MTA3: variants seen among roughly 807,000 people sequenced by gnomAD.
The protein encoded by MTA3 is metastasis-associated protein MTA3.
A neutral mutation model predicts 83.5 loss-of-function variants in MTA3; 34 were observed. That is an observed-to-expected ratio of 0.41 (90% confidence interval 0.31 to 0.54). The LOEUF (loss-of-function observed/expected upper bound fraction) is 0.54. Ranked by LOEUF, MTA3 falls within the 20% of genes least tolerant of loss-of-function variation. MTA3 has a pLI of 0.33. For synonymous variants in MTA3, 303 were observed against 252.7 expected, an observed-to-expected ratio of 1.20 and a Z score of -1.89; for missense variants, 761 against 726.4, an observed-to-expected ratio of 1.05 and a Z score of -0.55.
intron 4 of MTA3, among the ~76,000 whole-genome samples, chr2:42,630,491 A>G (rs1686571309): frequency 6.6e-6 from 1 of 152,174 alleles, no homozygotes; most frequent in South Asian, 2.1e-4. Context: ...TGAGGTATGT[A>G]TGTTTGTATG....
In MTA3 at chr2:42,640,210, T is replaced by G; in HGVS notation, c.355T>G (p.Ser119Ala). 1 of 1,608,416 alleles carries G rather than the reference T, an allele frequency of 6.2e-7. No homozygotes were observed. Among genetic ancestry groups the G allele is most frequent in the South Asian group, 1.1e-5 (1 of 90,112 alleles). ...CSVALLNETE[S>A]VLSYLDKEDT... ...TGTTGCCCTTCTGAATGAGACAGAA[T>G]CAGTATTGTCATATCTTGATAAGGA... is the stretch of plus-strand genomic sequence containing the variant. The change falls in exon 5 of 17, where the codon TCA becomes GCA. Residue 119 changes from serine to alanine, a missense_variant. Transcript: ENST00000405094.
intron 4 of MTA3, among the ~76,000 whole-genome samples, chr2:42,613,520 G>T (rs1456384378): frequency 1.3e-5 from 2 of 152,214 alleles, no homozygotes; most frequent in Admixed American, 1.3e-4. Context: ...TTTTGCTAAT[G>T]TTGAAGTCAT....
chr2:42,538,709 T>TAAA (rs74857025), intron 2 of MTA3, among the ~76,000 whole-genome samples: 2 of 75,488 alleles, frequency 2.6e-5, no homozygotes, highest in Non-Finnish European at 5.0e-5. Context: ...TGACTCTTTC[T>TAAA]AAAAAAAAAA....
chr2:42,531,652 C>T lies in MTA3; in HGVS notation c.-141+36398C>T, dbSNP rs577313037. On this transcript the variant is annotated intron_variant, in intron 2 of 17. Transcript: ENST00000405592. ...ATTTTTAGTAGAGATGAGGTTTCACCATATTGGCCAGGCTGGTCTCAAACT... is the reference window on the plus strand; with the variant it reads ...ATTTTTAGTAGAGATGAGGTTTCACTATATTGGCCAGGCTGGTCTCAAACT... Among the ~76,000 whole-genome samples the T allele has an allele frequency of 1.2e-3, 186 of 150,774 alleles. 1 individual carries two copies. Among genetic ancestry groups the T allele is most frequent in the Non-Finnish European group, 2.2e-3 (146 of 67,776 alleles).
intron 16 of MTA3, among the ~76,000 whole-genome samples, chr2:42,724,277 A>AACACACACACACACGC (rs1667646323): frequency 1.4e-5 from 1 of 73,150 alleles, no homozygotes; most frequent in African/African-American, 6.1e-5. Flanking sequence ...AGTCCTGAAA[A>AACACACACACACACGC]ACACACACAC....
At chr2:42,654,366 T>G (rs1331996941) in intron 6 of MTA3, among the ~76,000 whole-genome samples, 1 of 152,204 alleles carries the variant, frequency 6.6e-6, no homozygotes, top group Non-Finnish European at 1.5e-5. Flanking sequence ...TTCAGAGTAT[T>G]ATGTCAGCCG....
In MTA3 at chr2:42,568,692, A is replaced by C. The variant is rs866199963; in HGVS notation, c.-54A>C. The C allele has an allele frequency of 5.8e-4, 674 of 1,164,834 alleles. No individual in the cohort carries two copies. In the Middle Eastern group the frequency reaches 0.011, roughly 20 times the overall value. The allele number at this position is 1,164,834 out of a possible 1,614,324, so 72.2% of individuals were successfully genotyped here. ...GCGGTCGCGGCTGAGGCTGAGGAGG[A>C]GGCGGCGGCGGCGGGCGGGGCTCGG... On this transcript the variant is annotated 5_prime_UTR_variant, in exon 1 of 17. Coordinates refer to ENST00000405094, the MANE Select transcript of MTA3 (RefSeq NM_001330442.2).
intron 2 of MTA3, among the ~76,000 whole-genome samples, chr2:42,559,306 A>G (rs1677549076): frequency 6.6e-6 from 1 of 151,726 alleles, no homozygotes; most frequent in Admixed American, 6.6e-5. Context: ...GTTGGAGACC[A>G]GCCTGGCCAA....
intron 3 of MTA3, among the ~76,000 whole-genome samples, chr2:42,604,782 A>G (rs1683035741): frequency 6.9e-6 from 1 of 145,366 alleles, no homozygotes; most frequent in Non-Finnish European, 1.5e-5. Context: ...ATTGGTGATG[A>G]CTCTTAACGA....
At chr2:42,719,672 C>G (rs904215098) in intron 15 of MTA3, among the ~76,000 whole-genome samples, 1 of 152,128 alleles carries the variant, frequency 6.6e-6, no homozygotes, top group Admixed American at 6.5e-5. Flanking sequence ...CTGCTTCAAG[C>G]CTTAAATATT....
chr2:42,658,487 G>A (rs541054723), intron 7 of MTA3, among the ~76,000 whole-genome samples: 1 of 152,330 alleles, frequency 6.6e-6, no homozygotes, highest in Admixed American at 6.5e-5. Flanking sequence ...GGGAAAATGA[G>A]TGAATACAGC....
intron 16 of MTA3, among the ~76,000 whole-genome samples, chr2:42,725,058 G>C (rs1251851093): frequency 6.6e-6 from 1 of 152,222 alleles, no homozygotes; most frequent in Non-Finnish European, 1.5e-5. Context: ...TTGCTCTGCT[G>C]TCATGGGATG....
intron 7 of MTA3, 74 bp from the exon 8 acceptor site, chr2:42,659,689 G>T: frequency 8.4e-7 from 1 of 1,187,010 alleles, no homozygotes; most frequent in Non-Finnish European, 1.1e-6. Flanking sequence ...ATCCAAATGT[G>T]TTTTTTAAAA....
At position 42,695,823 on chromosome 2, in the gene MTA3, A is replaced by C; in HGVS notation, c.950A>C (p.Asp317Ala). 1 of 1,587,024 alleles carries C rather than the reference A, an allele frequency of 6.3e-7. No homozygotes were observed. Among genetic ancestry groups the C allele is most frequent in the Non-Finnish European group, 8.6e-7 (1 of 1,165,848 alleles). ...TATTATTACATGTGGAAAACTACTG[A>C]CAGATATGTGCAACAGGTAATTTTT... Reference protein sequence around the residue: ...IEYYYMWKTTDRYVQQKRLKA... With the variant: ...IEYYYMWKTTARYVQQKRLKA... The change falls in exon 10 of 17, where the codon GAC becomes GCC. Residue 317 changes from aspartate to alanine, a missense_variant. Coordinates refer to ENST00000405094, the MANE Select transcript of MTA3 (RefSeq NM_001330442.2).
chr2:42,646,904 C>A (rs550069534), intron 6 of MTA3, among the ~76,000 whole-genome samples: 52 of 152,188 alleles, frequency 3.4e-4, no homozygotes, highest in African/African-American at 1.0e-3. Context: ...CGCCTGTAAT[C>A]CCAGCACTTT....
At chr2:42,621,965 C>T (rs547784049) in intron 4 of MTA3, among the ~76,000 whole-genome samples, 165 of 152,102 alleles carry the variant, frequency 1.1e-3, no homozygotes, top group African/African-American at 3.8e-3. Context: ...AGACGATGGG[C>T]GGCCAGGCAG....
Position 42,756,784 on chromosome 2 carries a change from C to G in MTA3, c.*3385C>G. Reference sequence around the variant, plus strand: ...TCCTCTGCACTATGTCTCTGATTTTCCCTGCCAGGGAAGCTAACCCAGAGC... The same window carrying G: ...TCCTCTGCACTATGTCTCTGATTTTGCCTGCCAGGGAAGCTAACCCAGAGC... On this transcript the variant is annotated 3_prime_UTR_variant, in exon 17 of 17. Transcript: ENST00000405094. The G allele has an allele frequency of 1.0e-6, 1 of 985,476 alleles. No individual in the cohort carries two copies. Among genetic ancestry groups the G allele is most frequent in the Non-Finnish European group, 1.2e-6 (1 of 829,966 alleles). The allele number at this position is 985,476 out of a possible 1,614,324, so 61.0% of individuals were successfully genotyped here. A position where few individuals can be genotyped will look rare whatever the true frequency, so the allele number is the denominator to read the frequency against.
chr2:42,616,893 T>C (rs1344553342), intron 4 of MTA3, among the ~76,000 whole-genome samples: 4 of 152,176 alleles, frequency 2.6e-5, no homozygotes, highest in South Asian at 2.1e-4. Flanking sequence ...CTGAGTAATA[T>C]CTTCTTAATT....
At chr2:42,640,981 A>G (rs1687641292) in intron 5 of MTA3, among the ~76,000 whole-genome samples, 1 of 152,046 alleles carries the variant, frequency 6.6e-6, no homozygotes, top group South Asian at 2.1e-4. Flanking sequence ...ATCTTGACCC[A>G]CTGCAACCTC....
Sources: allele counts gnomAD v4.1 joint callset (sites outside exome capture counted in the v4.1 genomes callset), GRCh38; gene constraint gnomAD v4.1.1; transcripts MANE v1.5; gene names NCBI Gene and HGNC (gene_info 2026-07-23, HGNC 2026-07-21).